Variants in LRRC4C observed in about 807,000 individuals in gnomAD.
LRRC4C encodes leucine-rich repeat-containing protein 4C.
A neutral mutation model predicts 33.6 loss-of-function variants in LRRC4C; 5 were observed. The observed-to-expected ratio is 0.15, with a 90% CI of 0.08 to 0.31. The LOEUF (loss-of-function observed/expected upper bound fraction) is 0.31. Among genes scored for constraint, LRRC4C ranks in the 10% least tolerant of loss-of-function variants. The pLI is 1.00. For missense variants in LRRC4C, 560 were observed against 796.7 expected (o/e 0.70, Z 3.58); for synonymous variants, 329 against 302.0 (o/e 1.09, Z -0.93).
intron 6 of LRRC4C, among the ~76,000 whole-genome samples, chr11:40,124,122 A>G (rs1002030064): frequency 6.6e-6 from 1 of 152,190 alleles, no homozygotes. Flanking sequence ...TTGTAATGAG[A>G]TATCATCTCA....
At chr11:40,582,912 T>A (rs1335751335) in intron 3 of LRRC4C, among the ~76,000 whole-genome samples, 5 of 152,160 alleles carry the variant, frequency 3.3e-5, no homozygotes, top group African/African-American at 1.2e-4. Context: ...AATGATTCAA[T>A]CAGGGTATTT....
intron 4 of LRRC4C, among the ~76,000 whole-genome samples, chr11:40,245,968 C>T (rs1370135149): frequency 1.3e-5 from 2 of 148,966 alleles, no homozygotes; most frequent in African/African-American, 4.9e-5. Flanking sequence ...TGTTAAAGTC[C>T]TAACTTTTTT....
intron 2 of LRRC4C, among the ~76,000 whole-genome samples, chr11:40,846,109 T>A (rs149135870): frequency 1.3e-5 from 2 of 152,072 alleles, no homozygotes; most frequent in African/African-American, 2.4e-5. Context: ...TTGCAAAAAT[T>A]TTCTCCCATT....
At chr11:41,179,405 T>A (rs1945347145) in intron 1 of LRRC4C, among the ~76,000 whole-genome samples, 1 of 152,202 alleles carries the variant, frequency 6.6e-6, no homozygotes, top group South Asian at 2.1e-4. Flanking sequence ...GGTCTTTCCA[T>A]CAAGGCCAAA....
intron 2 of LRRC4C, among the ~76,000 whole-genome samples, chr11:40,789,093 G>GAAAA (rs397956716): frequency 4.3e-4 from 27 of 63,510 alleles, no homozygotes; most frequent in African/African-American, 9.1e-4. Context: ...TCCGTCTCGG[G>GAAAA]AAAAAAAAAA....
chr11:41,401,807 G>C (rs940274915), intron 1 of LRRC4C, among the ~76,000 whole-genome samples: 1 of 151,904 alleles, frequency 6.6e-6, no homozygotes, highest in African/African-American at 2.4e-5. Context: ...AGTTATGCAT[G>C]GTTGAGAATG....
At chr11:40,476,180 T>C (rs528180526) in intron 3 of LRRC4C, among the ~76,000 whole-genome samples, 1 of 152,238 alleles carries the variant, frequency 6.6e-6, no homozygotes, top group Non-Finnish European at 1.5e-5. Flanking sequence ...TAGAAGTGTG[T>C]GTGTGCATGT....
chr11:40,223,978 TAA>T (rs1864604073), intron 5 of LRRC4C, among the ~76,000 whole-genome samples: 2 of 152,240 alleles, frequency 1.3e-5, no homozygotes, highest in East Asian at 3.8e-4. Flanking sequence ...TTATTTAGAT[TAA>T]GACTATTATT....
At chr11:40,779,589 T>A (rs1207250333) in intron 2 of LRRC4C, among the ~76,000 whole-genome samples, 1 of 152,170 alleles carries the variant, frequency 6.6e-6, no homozygotes, top group Non-Finnish European at 1.5e-5. Flanking sequence ...AGTTCAAATA[T>A]TTCTATTTCT....
chr11:41,417,390 T>C (rs1954723039), intron 1 of LRRC4C, among the ~76,000 whole-genome samples: 1 of 152,058 alleles, frequency 6.6e-6, no homozygotes, highest in South Asian at 2.1e-4. Flanking sequence ...AAATATCACT[T>C]TTCTTTTATA....
Position 41,231,149 on chromosome 11 carries a change from C to T in LRRC4C, c.-496+228282G>A, listed in dbSNP as rs538582335. On this transcript the variant is annotated intron_variant, in intron 1 of 6. Coordinates refer to ENST00000528697, the MANE Select transcript of LRRC4C (RefSeq NM_001258419.2). ...GAGAGGATGTGGAGAAATAGGAACA[C>T]TTTTACACTGTTGGTGGGACTGTAA... Among the ~76,000 whole-genome samples the T allele has an allele frequency of 4.7e-3, 710 of 152,196 alleles. 1 individual carries two copies. Among genetic ancestry groups the T allele is most frequent in the African/African-American group, 0.016 (670 of 41,520 alleles).
chr11:41,082,727 C>A (rs948913641), intron 1 of LRRC4C, among the ~76,000 whole-genome samples: 1 of 152,068 alleles, frequency 6.6e-6, no homozygotes, highest in Admixed American at 6.5e-5. Context: ...CTTGTTTATC[C>A]TTTGTGCTAC....
intron 1 of LRRC4C, among the ~76,000 whole-genome samples, chr11:41,224,380 T>A (rs189348333): frequency 2.6e-5 from 4 of 152,196 alleles, no homozygotes; most frequent in Non-Finnish European, 5.9e-5. Context: ...CACTTCTTGA[T>A]GCAATTTATT....
rs138609492 is a variant in LRRC4C at position 41,030,654 on chromosome 11, T to C, written c.-495-96931A>G. Among the ~76,000 whole-genome samples, 609 of 151,974 alleles carry C rather than the reference T, an allele frequency of 4.0e-3. 3 individuals carry two copies. Among genetic ancestry groups the C allele is most frequent in the African/African-American group, 0.014 (579 of 41,514 alleles). On this transcript the variant is annotated intron_variant, in intron 1 of 6. Transcript: ENST00000528697. ...CAGCCGCTTGGTGAAACCTTTCAAA[T>C]AGTAGACCTTGTTTTCTACCATCGT...
intron 3 of LRRC4C, among the ~76,000 whole-genome samples, chr11:40,415,286 A>G (rs1950286241): frequency 6.6e-6 from 1 of 152,200 alleles, no homozygotes; most frequent in South Asian, 2.1e-4. Flanking sequence ...CATGCTCAGA[A>G]GAGCCAATGG....
intron 4 of LRRC4C, among the ~76,000 whole-genome samples, chr11:40,279,759 T>A (rs1483642055): frequency 6.6e-6 from 1 of 152,180 alleles, no homozygotes; most frequent in Non-Finnish European, 1.5e-5. Flanking sequence ...TGTGCTGTTA[T>A]GTCATTCATC....
intron 2 of LRRC4C, among the ~76,000 whole-genome samples, chr11:40,759,930 G>A (rs1452115153): frequency 1.6e-5 from 2 of 122,198 alleles, no homozygotes; most frequent in African/African-American, 2.9e-5. Flanking sequence ...AGGTGAAGTA[G>A]AGAATTCAAA....
chr11:40,649,452 C>A (rs1433271168), intron 2 of LRRC4C, among the ~76,000 whole-genome samples: 2 of 152,144 alleles, frequency 1.3e-5, no homozygotes, highest in African/African-American at 4.8e-5. Flanking sequence ...TCTGCCCGAC[C>A]CCGCAGGCAG....
intron 1 of LRRC4C, among the ~76,000 whole-genome samples, chr11:41,124,986 C>T (rs765526413): frequency 3.3e-5 from 5 of 152,276 alleles, no homozygotes; most frequent in Non-Finnish European, 7.4e-5. Context: ...CACCAGTTAT[C>T]GGTTTGAGAG....
Sources: allele counts gnomAD v4.1 joint callset (sites outside exome capture counted in the v4.1 genomes callset), GRCh38; gene constraint gnomAD v4.1.1; transcripts MANE v1.5; gene names NCBI Gene and HGNC (gene_info 2026-07-23, HGNC 2026-07-21).